MBOAT2: variants seen among roughly 807,000 people sequenced by gnomAD.
MBOAT2 encodes the protein membrane-bound glycerophospholipid O-acyltransferase 2.
In MBOAT2, 28 loss-of-function variants were observed where a neutral mutation model predicts 63.4. The observed-to-expected ratio is 0.44, with a 90% CI of 0.33 to 0.61. The LOEUF is 0.61. MBOAT2 is among the 20% of genes least tolerant of loss of function. MBOAT2 has a pLI of 0.03. For missense variants in MBOAT2, 470 were observed against 605.8 expected (o/e 0.78, Z 2.35); for synonymous variants, 211 against 215.6 (o/e 0.98, Z 0.19).
intron 3 of MBOAT2, among the ~76,000 whole-genome samples, chr2:8,914,691 C>A (rs1224720410): frequency 6.6e-6 from 1 of 151,998 alleles, no homozygotes; most frequent in Non-Finnish European, 1.5e-5. Flanking sequence ...TACCAATATA[C>A]CCCAACTAGC....
At chr2:8,904,328 TTGA>T (rs1360081295) in intron 4 of MBOAT2, among the ~76,000 whole-genome samples, 1 of 151,584 alleles carries the variant, frequency 6.6e-6, no homozygotes, top group African/African-American at 2.4e-5. Flanking sequence ...TTTTTTTTTT[TTGA>T]GATAGGATCT....
chr2:8,948,339 AT>A (rs1406219757), intron 2 of MBOAT2, among the ~76,000 whole-genome samples: 3 of 151,980 alleles, frequency 2.0e-5, no homozygotes, highest in African/African-American at 7.3e-5. Flanking sequence ...ACAACAAAAA[AT>A]TTTTTTTCCA....
chr2:8,953,173 T>C (rs566144401), intron 2 of MBOAT2, among the ~76,000 whole-genome samples: 5 of 152,330 alleles, frequency 3.3e-5, no homozygotes, highest in East Asian at 3.9e-4. Context: ...ACAAATTCCC[T>C]TAGTGCTTGC....
chr2:8,980,250 A>G (rs1165540211), intron 1 of MBOAT2, among the ~76,000 whole-genome samples: 2 of 152,138 alleles, frequency 1.3e-5, no homozygotes, highest in Non-Finnish European at 2.9e-5. Context: ...AACACAGTGA[A>G]CACAGTGGGA....
chr2:8,959,640 T>C (rs1264157035), intron 1 of MBOAT2, among the ~76,000 whole-genome samples: 1 of 152,104 alleles, frequency 6.6e-6, no homozygotes, highest in Non-Finnish European at 1.5e-5. Flanking sequence ...CTGTGCATTT[T>C]TTTGTAAAGA....
intron 3 of MBOAT2, among the ~76,000 whole-genome samples, chr2:8,939,167 G>T (rs951098946): frequency 4.6e-5 from 7 of 152,182 alleles, no homozygotes; most frequent in African/African-American, 1.7e-4. Flanking sequence ...ACACAACAGT[G>T]AATGAATCTT....
At chr2:8,929,642 C>T (rs576498214) in intron 3 of MBOAT2, among the ~76,000 whole-genome samples, 3 of 152,192 alleles carry the variant, frequency 2.0e-5, no homozygotes. Flanking sequence ...CGTGAGCCAC[C>T]GCACCTGGCT....
In MBOAT2 at chr2:8,999,818, G is replaced by C. The variant is rs146407148; in HGVS notation, c.75+3722C>G. On this transcript the variant is annotated intron_variant, in intron 1 of 12. Transcript: ENST00000305997. ...GATACTTCCTATCTTAAAGCATCAT[G>C]TAACTTCACTTGATAATAGATTCTA... 6.9e-3 allele frequency among the ~76,000 whole-genome samples: 1,045 copies of C among 152,340 alleles called. 19 individuals are homozygous for C. Among genetic ancestry groups the C allele is most frequent in the African/African-American group, 0.024 (1,001 of 41,576 alleles).
intron 1 of MBOAT2, among the ~76,000 whole-genome samples, chr2:8,968,693 T>C (rs752341859): frequency 1.3e-5 from 2 of 152,196 alleles, no homozygotes; most frequent in Non-Finnish European, 2.9e-5. Flanking sequence ...AATGACCTGA[T>C]GTAGCTGAAA....
At chr2:8,951,066 G>A (rs1668792204) in intron 2 of MBOAT2, among the ~76,000 whole-genome samples, 1 of 152,068 alleles carries the variant, frequency 6.6e-6, no homozygotes, top group African/African-American at 2.4e-5. Flanking sequence ...GTTCGTCAGG[G>A]ATATTGGCCT....
chr2:8,872,015 C>T (rs1010217003), intron 8 of MBOAT2, among the ~76,000 whole-genome samples: 2 of 152,194 alleles, frequency 1.3e-5, no homozygotes, highest in Admixed American at 6.5e-5. Context: ...ACCTTCAAAA[C>T]GTGGCCAGAA....
At chr2:8,902,486 C>A (rs948900373) in intron 4 of MBOAT2, among the ~76,000 whole-genome samples, 2 of 152,138 alleles carry the variant, frequency 1.3e-5, no homozygotes, top group Non-Finnish European at 2.9e-5. Flanking sequence ...TCCGGACTTT[C>A]TTCCTTCTGA....
At chr2:8,906,376 TGCAGGCACAAGTGTTGC>T (rs1304939900) in intron 4 of MBOAT2, among the ~76,000 whole-genome samples, 1 of 152,234 alleles carries the variant, frequency 6.6e-6, no homozygotes, top group East Asian at 1.9e-4. Flanking sequence ...GCTGACAGGA[TGCAGGCACAAGTGTTGC>T]GCAGGCACAC....
At chr2:8,863,286 G>T (rs764203221) in intron 10 of MBOAT2, among the ~76,000 whole-genome samples, 1 of 152,124 alleles carries the variant, frequency 6.6e-6, no homozygotes, top group Non-Finnish European at 1.5e-5. Context: ...AGATGACAGC[G>T]TATGCTAGCC....
chr2:8,958,193 T>C lies in MBOAT2; in HGVS notation c.221+304A>G, dbSNP rs186238078. On this transcript the variant is annotated intron_variant, in intron 2 of 12. Transcript: ENST00000305997. ...CATTTAAATGGCTTTTCTGTCAGTATAAAAGATTTGCAAAATAGGTGTAAA... is the reference window on the plus strand; with the variant it reads ...CATTTAAATGGCTTTTCTGTCAGTACAAAAGATTTGCAAAATAGGTGTAAA... 1.4e-4 allele frequency among the ~76,000 whole-genome samples: 21 copies of C among 152,290 alleles called. No individual in the cohort carries two copies. The East Asian group carries it at 4.0e-3, about 29-fold the overall frequency.
chr2:8,920,378 T>C (rs1666486913), intron 3 of MBOAT2, among the ~76,000 whole-genome samples: 1 of 152,234 alleles, frequency 6.6e-6, no homozygotes, highest in African/African-American at 2.4e-5. Context: ...CTCAATTTTG[T>C]TGCAATGATT....
intron 8 of MBOAT2, among the ~76,000 whole-genome samples, chr2:8,872,493 G>A (rs1662398247): frequency 6.6e-6 from 1 of 152,102 alleles, no homozygotes; most frequent in South Asian, 2.1e-4. Flanking sequence ...TGTTGCCCAG[G>A]CTGGTCTTGA....
In MBOAT2 at chr2:8,957,606, A is replaced by T. The variant is rs533720320; in HGVS notation, c.221+891T>A. 1.6e-4 allele frequency among the ~76,000 whole-genome samples: 25 copies of T among 152,100 alleles called. No individual in the cohort carries two copies. In the South Asian group the frequency reaches 5.0e-3, roughly 30 times the overall value. ...ACAGAAGCTCATCAAAGTCCCAGAGATTCTACACCCCACAGACCAAGTGAG... is the reference window on the plus strand; with the variant it reads ...ACAGAAGCTCATCAAAGTCCCAGAGTTTCTACACCCCACAGACCAAGTGAG... On this transcript the variant is annotated intron_variant, in intron 2 of 12. Transcript: ENST00000305997.
chr2:8,984,123 A>G (rs1671387827), intron 1 of MBOAT2, among the ~76,000 whole-genome samples: 1 of 152,214 alleles, frequency 6.6e-6, no homozygotes, highest in African/African-American at 2.4e-5. Context: ...ATGAACCTTG[A>G]AAACATATGC....
Sources: gnomAD v4.1 joint callset for allele counts (sites outside exome capture counted in the v4.1 genomes callset) on GRCh38, gnomAD v4.1.1 for gene constraint, MANE v1.5 for transcripts, NCBI Gene and HGNC (gene_info 2026-07-23, HGNC 2026-07-21) for gene names.